Variants in SUFU observed in about 807,000 individuals in gnomAD.
SUFU encodes the protein SUFU negative regulator of hedgehog signaling, also known as suppressor of fused homolog.
SUFU carries 7 observed loss-of-function variants against 58.9 expected under a neutral mutation model. That is an observed-to-expected ratio of 0.12 (90% confidence interval 0.07 to 0.22). The LOEUF is 0.22. Among genes scored for constraint, SUFU ranks in the 10% least tolerant of loss-of-function variants. The pLI, the probability that SUFU is intolerant of heterozygous loss-of-function variation, is 1.00. For synonymous variants in SUFU, 232 were observed against 254.8 expected, an observed-to-expected ratio of 0.91 and a Z score of 0.85; for missense variants, 451 against 641.3, an observed-to-expected ratio of 0.70 and a Z score of 3.20.
chr10:102,537,268 C>T (rs1473841244), intron 2 of SUFU, among the ~76,000 whole-genome samples: 1 of 151,648 alleles, frequency 6.6e-6, no homozygotes, highest in Non-Finnish European at 1.5e-5. Context: ...GTAGCTGGGA[C>T]CACAGCTGCA....
At chr10:102,525,257 A>G (rs944665548) in intron 2 of SUFU, among the ~76,000 whole-genome samples, 8 of 151,348 alleles carry the variant, frequency 5.3e-5, no homozygotes, top group Non-Finnish European at 1.0e-4. Context: ...ATTACAGGGC[A>G]CGCTACCACG....
intron 2 of SUFU, among the ~76,000 whole-genome samples, chr10:102,514,864 A>C (rs1260813265): frequency 2.0e-5 from 3 of 152,214 alleles, no homozygotes; most frequent in Non-Finnish European, 4.4e-5. Context: ...GTAGTTGGAG[A>C]GTGCATTTGA....
chr10:102,533,170 A>G (rs768242537), intron 2 of SUFU, among the ~76,000 whole-genome samples: 2 of 152,248 alleles, frequency 1.3e-5, no homozygotes, highest in African/African-American at 2.4e-5. Flanking sequence ...TTTAGTTCCT[A>G]TTGCTGCCAT....
intron 10 of SUFU, among the ~76,000 whole-genome samples, chr10:102,620,335 T>C (rs928651141): frequency 3.3e-5 from 5 of 152,048 alleles, no homozygotes; most frequent in African/African-American, 1.2e-4. Context: ...GGCAGAAGGT[T>C]TAGGAACCCG....
At chr10:102,573,868 AG>A (rs2063187099) in intron 3 of SUFU, among the ~76,000 whole-genome samples, 2 of 152,140 alleles carry the variant, frequency 1.3e-5, no homozygotes, top group South Asian at 4.1e-4. Context: ...ATAGAGTTTC[AG>A]TTGGGGAAGA....
At chr10:102,570,151 G>A (rs1464180573) in intron 3 of SUFU, among the ~76,000 whole-genome samples, 1 of 152,114 alleles carries the variant, frequency 6.6e-6, no homozygotes, top group African/African-American at 2.4e-5. Context: ...GGCAGTTGCT[G>A]GCCCAGGCGC....
At chr10:102,513,608 G>C (rs1443318422) in intron 2 of SUFU, among the ~76,000 whole-genome samples, 1 of 152,250 alleles carries the variant, frequency 6.6e-6, no homozygotes, top group Non-Finnish European at 1.5e-5. Context: ...TCTGGGAGCA[G>C]AGCAGAGGGA....
intron 2 of SUFU, among the ~76,000 whole-genome samples, chr10:102,541,721 T>A (rs1304918246): frequency 1.5e-5 from 2 of 135,538 alleles, no homozygotes; most frequent in South Asian, 4.8e-4. Flanking sequence ...TTTTTTTTTT[T>A]CCTTTTGAGA....
At chr10:102,592,747 G>C (rs771697015) in intron 4 of SUFU, 23 bp downstream of exon 4, 12 of 1,613,218 alleles carry the variant, frequency 7.4e-6, no homozygotes, top group Non-Finnish European at 1.0e-5. Context: ...TTGGACGCTG[G>C]CTCAAGCCTT....
chr10:102,530,711 C>T (rs1490920222), intron 2 of SUFU, among the ~76,000 whole-genome samples: 1 of 151,888 alleles, frequency 6.6e-6, no homozygotes, highest in Non-Finnish European at 1.5e-5. Context: ...GCCTCGGCCT[C>T]CCAAAGTACT....
intron 8 of SUFU, among the ~76,000 whole-genome samples, chr10:102,615,058 G>T (rs7093285): frequency 6.6e-6 from 1 of 151,770 alleles, no homozygotes; most frequent in African/African-American, 2.4e-5. Flanking sequence ...CCACCTCTTG[G>T]GGGCATTGTG....
In SUFU at chr10:102,584,076, C is replaced by A. The variant is rs545197704; in HGVS notation, c.455-8506C>A. 4.0e-4 allele frequency among the ~76,000 whole-genome samples: 61 copies of A among 152,276 alleles called. 1 individual carries two copies. Among genetic ancestry groups the A allele is most frequent in the Admixed American group, 3.9e-3 (59 of 15,294 alleles). On this transcript the variant is annotated intron_variant, in intron 3 of 11. Coordinates refer to ENST00000369902, the MANE Select transcript of SUFU (RefSeq NM_016169.4). ...TGGGTGAGAGTATCTGTACTGTATT[C>A]CAGTACACGAGTAATAACATACTGC...
At chr10:102,599,881 T>A (rs1173424029) in intron 8 of SUFU, among the ~76,000 whole-genome samples, 1 of 152,198 alleles carries the variant, frequency 6.6e-6, no homozygotes, top group Non-Finnish European at 1.5e-5. Context: ...TCCCTCCTTA[T>A]CTCAGTCTTG....
At chr10:102,512,498 A>G (rs1341054302) in intron 2 of SUFU, among the ~76,000 whole-genome samples, 2 of 152,238 alleles carry the variant, frequency 1.3e-5, no homozygotes, top group African/African-American at 4.8e-5. Context: ...AGCAAGCCTC[A>G]TATTTCAGAA....
In SUFU at chr10:102,617,732, A is replaced by C. The variant is rs1254459355; in HGVS notation, c.1296+304A>C. ...GAAATCCAGGTTGGAGGGATATAAG[A>C]CTTTCTGCACCTTGGGTAAACCAAG... On this transcript the variant is annotated intron_variant, in intron 10 of 11. Coordinates refer to ENST00000369902, the MANE Select transcript of SUFU (RefSeq NM_016169.4). The surrounding 1 kb of genome is among the most constrained non-coding windows in gnomAD (Gnocchi z 4.4). 1 of 579,278 alleles carries C rather than the reference A, an allele frequency of 1.7e-6. No individual in the cohort carries two copies. Among genetic ancestry groups the C allele is most frequent in the Non-Finnish European group, 3.1e-6 (1 of 326,282 alleles). The allele number at this position is 579,278 out of a possible 1,614,324, so 35.9% of individuals were successfully genotyped here.
intron 2 of SUFU, among the ~76,000 whole-genome samples, chr10:102,513,365 T>C (rs2062424622): frequency 6.6e-6 from 1 of 152,184 alleles, no homozygotes; most frequent in Admixed American, 6.6e-5. Flanking sequence ...CCACTGTCTG[T>C]GTCTTCTCTT....
chr10:102,578,337 G>T (rs561357888), intron 3 of SUFU, among the ~76,000 whole-genome samples: 1 of 151,986 alleles, frequency 6.6e-6, no homozygotes, highest in South Asian at 2.1e-4. Flanking sequence ...CAGAACTTTG[G>T]GAGGCCGAGG....
chr10:102,513,988 G>A (rs754240978), intron 2 of SUFU, among the ~76,000 whole-genome samples: 1 of 151,986 alleles, frequency 6.6e-6, no homozygotes, highest in Non-Finnish European at 1.5e-5. Flanking sequence ...TGGCTCAAAC[G>A]ATCCTCCTAC....
At chr10:102,519,094 T>G in intron 2 of SUFU, among the ~76,000 whole-genome samples, 1 of 136,564 alleles carries the variant, frequency 7.3e-6, no homozygotes, top group African/African-American at 2.8e-5. Context: ...TGAGTGGAGA[T>G]GCGCCACTGC....
Sources: allele counts gnomAD v4.1 joint callset (sites outside exome capture counted in the v4.1 genomes callset), GRCh38; gene constraint gnomAD v4.1.1; non-coding constraint Gnocchi (gnomAD v3.1); transcripts MANE v1.5; gene names NCBI Gene and HGNC (gene_info 2026-07-23, HGNC 2026-07-21).